MYO1B: variants seen among roughly 807,000 people sequenced by gnomAD.
The protein encoded by MYO1B is myosin IB, also known as unconventional myosin-Ib.
A neutral mutation model predicts 159.7 loss-of-function variants in MYO1B; 72 were observed. The ratio of observed to expected loss-of-function variants is 0.45; its 90% CI spans 0.37 to 0.55. The LOEUF (loss-of-function observed/expected upper bound fraction) is 0.55, where lower values mean the gene tolerates loss of function less well. Ranked by LOEUF, MYO1B falls within the 20% of genes least tolerant of loss-of-function variation. MYO1B has a pLI of 0.00. For missense variants in MYO1B, 1,062 were observed against 1,364.8 expected, an observed-to-expected ratio of 0.78 and a Z score of 3.50; for synonymous variants, 468 against 473.8, an observed-to-expected ratio of 0.99 and a Z score of 0.16.
chr2:191,384,704 T>A (rs750474420), intron 15 of MYO1B, among the ~76,000 whole-genome samples: 12 of 152,186 alleles, frequency 7.9e-5, no homozygotes, highest in Non-Finnish European at 1.8e-4. Context: ...ATTAGTATGT[T>A]TTCTTTGATA....
chr2:191,277,141 C>G, intron 2 of MYO1B, 111 bp downstream of exon 2: 1 of 1,350,356 alleles, frequency 7.4e-7, no homozygotes, highest in Non-Finnish European at 1.0e-6. Context: ...TTGAGTCCAG[C>G]AGTATTTGCT....
chr2:191,389,358 A>G (rs1695601415), intron 17 of MYO1B, among the ~76,000 whole-genome samples: 1 of 152,222 alleles, frequency 6.6e-6, no homozygotes, highest in African/African-American at 2.4e-5. Flanking sequence ...GCTAGCAATG[A>G]TTTAAGCAAG....
chr2:191,399,122 C>G (rs1034031892), intron 21 of MYO1B, among the ~76,000 whole-genome samples: 38 of 152,160 alleles, frequency 2.5e-4, no homozygotes, highest in African/African-American at 8.9e-4. Flanking sequence ...GAAAACCAGT[C>G]AGGCGTGGCG....
At chr2:191,318,586 C>T (rs1388096133) in intron 3 of MYO1B, among the ~76,000 whole-genome samples, 1 of 152,186 alleles carries the variant, frequency 6.6e-6, no homozygotes, top group East Asian at 1.9e-4. Context: ...TGTCTCTAGT[C>T]TTTTATCAGA....
At position 191,407,090 on chromosome 2, in the gene MYO1B, A is replaced by G. The variant is rs141500091; in HGVS notation, c.2557-1025A>G. The stretch of plus-strand genomic sequence containing the variant: ...GTCTCCCTGGCACTTATTTTATAGG[A>G]CTAGGCCTCAGTGTTGCTAGATCTT... On this transcript the variant is annotated intron_variant, in intron 24 of 30. Coordinates refer to ENST00000392318, the MANE Select transcript of MYO1B (RefSeq NM_001130158.3). Among the ~76,000 whole-genome samples the G allele has an allele frequency of 4.5e-3, 689 of 152,306 alleles. 4 individuals are homozygous for G. The highest frequency in any genetic ancestry group is 7.5e-3 in the Non-Finnish European group (507 of 68,026).
At chr2:191,245,784 C>T (rs1424991321) in intron 1 of MYO1B, 158 bp downstream of exon 1, 1 of 148,978 alleles carries the variant, frequency 6.7e-6, no homozygotes, top group African/African-American at 2.4e-5. Context: ...TTGGGAGACG[C>T]GGCGCTGCGG....
intron 2 of MYO1B, among the ~76,000 whole-genome samples, chr2:191,283,769 G>T (rs1259031600): frequency 6.6e-6 from 1 of 152,182 alleles, no homozygotes; most frequent in Non-Finnish European, 1.5e-5. Context: ...GTTGCTGTGA[G>T]CATCAAAGGA....
chr2:191,350,862 G>C (rs560921154), intron 7 of MYO1B, among the ~76,000 whole-genome samples: 1 of 152,004 alleles, frequency 6.6e-6, no homozygotes, highest in South Asian at 2.1e-4. Context: ...TCTAGCCCAG[G>C]TGCAGAGTTT....
At chr2:191,366,785 T>A (rs1038303849) in intron 11 of MYO1B, among the ~76,000 whole-genome samples, 1 of 152,024 alleles carries the variant, frequency 6.6e-6, no homozygotes, top group African/African-American at 2.4e-5. Context: ...CCCATCTAAA[T>A]GCTCTACCTG....
Position 191,387,364 on chromosome 2 carries a change from A to G in MYO1B, c.1695A>G (p.Lys565=). Residue 565 remains lysine, a synonymous_variant, in exon 17 of 31, where the codon AAA becomes AAG. Coordinates refer to ENST00000392318, the MANE Select transcript of MYO1B (RefSeq NM_001130158.3). ...PEGNPAKINL[K]RPPTAGSQFK... ...GGAATCCCGCCAAGATCAACCTGAA[A>G]AGGCCTCCTACAGCAGGCTCACAGT... 6.2e-7 allele frequency: 1 copy of G among 1,614,172 alleles called. No homozygotes were observed. Among genetic ancestry groups the G allele is most frequent in the Non-Finnish European group, 8.5e-7 (1 of 1,180,022 alleles).
chr2:191,401,154 GTTTT>G (rs1559237491), intron 23 of MYO1B, among the ~76,000 whole-genome samples: 1 of 151,844 alleles, frequency 6.6e-6, no homozygotes, highest in Non-Finnish European at 1.5e-5. Flanking sequence ...AATGCTAGCA[GTTTT>G]TTAGAGGTTT....
intron 1 of MYO1B, among the ~76,000 whole-genome samples, chr2:191,247,573 A>T (rs190129448): frequency 1.3e-5 from 2 of 152,342 alleles, no homozygotes; most frequent in Non-Finnish European, 2.9e-5. Flanking sequence ...GCTGTTTGTC[A>T]TTAGAACTAA....
At chr2:191,332,670 C>T (rs373669178) in intron 4 of MYO1B, among the ~76,000 whole-genome samples, 30 of 152,214 alleles carry the variant, frequency 2.0e-4, no homozygotes, top group East Asian at 9.7e-4. Flanking sequence ...AATAGGAACA[C>T]GGAAACATTA....
At chr2:191,338,005 C>T (rs140056355) in intron 4 of MYO1B, among the ~76,000 whole-genome samples, 1 of 152,136 alleles carries the variant, frequency 6.6e-6, no homozygotes, top group African/African-American at 2.4e-5. Context: ...TTCCAGTTTC[C>T]AGCGTGGTGA....
At chr2:191,270,117 A>G (rs1687369904) in intron 1 of MYO1B, among the ~76,000 whole-genome samples, 1 of 152,144 alleles carries the variant, frequency 6.6e-6, no homozygotes, top group Non-Finnish European at 1.5e-5. Context: ...GGCATTATGG[A>G]TGCAGCGCCA....
intron 2 of MYO1B, among the ~76,000 whole-genome samples, chr2:191,289,588 G>A (rs1441618270): frequency 6.6e-6 from 1 of 152,184 alleles, no homozygotes; most frequent in Non-Finnish European, 1.5e-5. Context: ...AAATAAGGAA[G>A]CAGGTAGGTA....
rs995189291 is a variant in MYO1B at position 191,249,566 on chromosome 2, A to C, written c.-10+3940A>C. On this transcript the variant is annotated intron_variant, in intron 1 of 30. Coordinates refer to ENST00000392318, the MANE Select transcript of MYO1B (RefSeq NM_001130158.3). ...GGTGGCACTGAGAGTGGCACTGGGCAAGAGGTACCAGACTTTGACACCAAG... is the reference window on the plus strand; with the variant it reads ...GGTGGCACTGAGAGTGGCACTGGGCCAGAGGTACCAGACTTTGACACCAAG... 3.9e-5 allele frequency among the ~76,000 whole-genome samples: 6 copies of C among 152,352 alleles called. No individual in the cohort carries two copies. In the East Asian group the frequency reaches 1.2e-3, roughly 29 times the overall value.
At chr2:191,366,429 C>T (rs994826202) in intron 11 of MYO1B, among the ~76,000 whole-genome samples, 8 of 151,910 alleles carry the variant, frequency 5.3e-5, no homozygotes, top group Admixed American at 2.0e-4. Flanking sequence ...TCTGGTTCTA[C>T]TGATCTATTG....
intron 3 of MYO1B, among the ~76,000 whole-genome samples, chr2:191,301,534 G>A (rs951068668): frequency 4.6e-5 from 7 of 152,174 alleles, no homozygotes; most frequent in South Asian, 2.1e-4. Flanking sequence ...AATTGATTCC[G>A]TGTCCCTAAG....
Sources: gnomAD v4.1 joint callset for allele counts (sites outside exome capture counted in the v4.1 genomes callset) on GRCh38, gnomAD v4.1.1 for gene constraint, MANE v1.5 for transcripts, NCBI Gene and HGNC (gene_info 2026-07-23, HGNC 2026-07-21) for gene names.